The following TPH2 variants were observed in gnomAD, a reference collection of about 807,000 sequenced individuals.
TPH2 encodes tryptophan 5-hydroxylase 2.
A neutral mutation model predicts 59.1 loss-of-function variants in TPH2; 27 were observed. The ratio of observed to expected loss-of-function variants is 0.46; its 90% CI spans 0.34 to 0.63. The LOEUF is 0.63. TPH2 is among the 30% of genes least tolerant of loss of function. The pLI is 0.01. For missense variants in TPH2, 523 were observed against 588.3 expected, an observed-to-expected ratio of 0.89 and a Z score of 1.15; for synonymous variants, 220 against 210.5, an observed-to-expected ratio of 1.05 and a Z score of -0.39.
At chr12:71,973,884 TAC>T (rs1872043841) in intron 6 of TPH2, among the ~76,000 whole-genome samples, 1 of 152,088 alleles carries the variant, frequency 6.6e-6, no homozygotes, top group African/African-American at 2.4e-5. Context: ...CAATGAATCA[TAC>T]AGTGACATCA....
chr12:71,999,738 A>T (rs1056410224), intron 8 of TPH2, among the ~76,000 whole-genome samples: 1 of 152,238 alleles, frequency 6.6e-6, no homozygotes, highest in African/African-American at 2.4e-5. Flanking sequence ...TCCAAAACTA[A>T]AAGAAAACAA....
chr12:72,028,919 T>C (rs896368190), intron 9 of TPH2, among the ~76,000 whole-genome samples: 1 of 152,362 alleles, frequency 6.6e-6, no homozygotes, highest in East Asian at 1.9e-4. Flanking sequence ...CTGGTTTTTC[T>C]TGAAGTCTGG....
intron 7 of TPH2, among the ~76,000 whole-genome samples, chr12:71,983,807 G>A (rs1473150863): frequency 6.6e-5 from 9 of 136,786 alleles, no homozygotes; most frequent in Non-Finnish European, 1.1e-4. Context: ...GAGAGAGAAA[G>A]AGAGAGATAG....
At chr12:71,950,782 T>C (rs1871324105) in intron 5 of TPH2, among the ~76,000 whole-genome samples, 1 of 152,126 alleles carries the variant, frequency 6.6e-6, no homozygotes, top group African/African-American at 2.4e-5. Context: ...GTTTAGAACA[T>C]TACGTGTGTT....
At chr12:71,949,795 G>A (rs1311975718) in intron 5 of TPH2, 140 bp downstream of exon 5, 4 of 695,026 alleles carry the variant, frequency 5.8e-6, no homozygotes, top group South Asian at 3.1e-5. Context: ...AACTCTGTAG[G>A]CTTTAAATGC....
chr12:72,011,603 T>A lies in TPH2; in HGVS notation c.1069-10796T>A, dbSNP rs190773386. On this transcript the variant is annotated intron_variant, in intron 8 of 10. Coordinates refer to ENST00000333850, the MANE Select transcript of TPH2 (RefSeq NM_173353.4). ...TCTCTAGCATTTTCCCTGGCAAGTC[T>A]CCAGTTGGCTACAACCTTCAAAAGC... is the stretch of plus-strand genomic sequence containing the variant. Among the ~76,000 whole-genome samples, 294 of 152,320 alleles carry A rather than the reference T, an allele frequency of 1.9e-3. 2 individuals are homozygous for A. The highest frequency in any genetic ancestry group is 6.8e-3 in the African/African-American group (282 of 41,570).
At chr12:71,993,074 A>G (rs993540116) in intron 7 of TPH2, among the ~76,000 whole-genome samples, 4 of 152,258 alleles carry the variant, frequency 2.6e-5, no homozygotes, top group African/African-American at 9.6e-5. Context: ...CCTGTCCACT[A>G]TTCTCAAGTG....
At chr12:71,940,664 T>C (rs566138264) in intron 1 of TPH2, among the ~76,000 whole-genome samples, 1 of 152,342 alleles carries the variant, frequency 6.6e-6, no homozygotes, top group South Asian at 2.1e-4. Context: ...GTTGTTTTTG[T>C]TTTGTTTCCT....
At chr12:71,999,992 T>C (rs909931154) in intron 8 of TPH2, among the ~76,000 whole-genome samples, 1 of 152,248 alleles carries the variant, frequency 6.6e-6, no homozygotes, top group Admixed American at 6.5e-5. Flanking sequence ...AAGTATCTTA[T>C]TGTGGTTGAG....
At chr12:71,949,354 G>A (rs181993429) in intron 4 of TPH2, among the ~76,000 whole-genome samples, 20 of 152,248 alleles carry the variant, frequency 1.3e-4, no homozygotes, top group Non-Finnish European at 2.8e-4. Flanking sequence ...TGCTTACTTA[G>A]TGGAAAGGTA....
intron 4 of TPH2, 27 bp from the exon 5 acceptor site, chr12:71,949,561 A>T: frequency 1.2e-6 from 2 of 1,601,588 alleles, no homozygotes; most frequent in Non-Finnish European, 1.7e-6. Context: ...CACTTTGTTA[A>T]ATAACTTAAT....
At chr12:71,968,142 T>C (rs1871868965) in intron 5 of TPH2, among the ~76,000 whole-genome samples, 2 of 152,212 alleles carry the variant, frequency 1.3e-5, no homozygotes. Context: ...GACAAATCCC[T>C]TTCGATAGAG....
At chr12:71,941,100 A>G (rs1871049343) in intron 1 of TPH2, among the ~76,000 whole-genome samples, 1 of 152,216 alleles carries the variant, frequency 6.6e-6, no homozygotes, top group Non-Finnish European at 1.5e-5. Flanking sequence ...GTGCTGACAT[A>G]TTTTGGAATG....
intron 6 of TPH2, among the ~76,000 whole-genome samples, chr12:71,973,779 C>A (rs1872040199): frequency 1.3e-5 from 2 of 152,324 alleles, no homozygotes; most frequent in Non-Finnish European, 2.9e-5. Flanking sequence ...GGTCACACAA[C>A]TAGTCAATAA....
chr12:71,975,687 A>G (rs1252903006), intron 6 of TPH2, among the ~76,000 whole-genome samples: 2 of 152,230 alleles, frequency 1.3e-5, no homozygotes, highest in Non-Finnish European at 2.9e-5. Context: ...AATCTTGATT[A>G]TAGAAGCCAC....
At chr12:72,021,310 C>T (rs4573729) in intron 8 of TPH2, among the ~76,000 whole-genome samples, 79,431 of 150,388 alleles carry the variant, frequency 0.53, 22,230 homozygotes, top group Non-Finnish European at 0.64. Flanking sequence ...TATTAATGTC[C>T]TGGGGAAGTT....
chr12:71,976,799 T>G (rs1252205234), intron 6 of TPH2, among the ~76,000 whole-genome samples: 1 of 152,210 alleles, frequency 6.6e-6, no homozygotes, highest in East Asian at 1.9e-4. Flanking sequence ...AAGATCATTT[T>G]CAACCATTGT....
chr12:72,011,441 C>T (rs1010312976), intron 8 of TPH2, among the ~76,000 whole-genome samples: 3 of 152,158 alleles, frequency 2.0e-5, no homozygotes, highest in African/African-American at 7.2e-5. Flanking sequence ...AATAGCATCT[C>T]TCTGATCTTG....
rs2139203613 is a variant in TPH2, at chr12:71,972,578, T to C, written c.668T>C (p.Val223Ala). Residue 223 changes from valine (V) to alanine (A), a missense_variant, in exon 6 of 11, where the codon GTA becomes GCA. By Grantham distance (64) the Val-to-Ala change is moderately conservative. Coordinates refer to ENST00000333850, the MANE Select transcript of TPH2 (RefSeq NM_173353.4). ...GAAGAAACTAAAACTTGGGGTGTTGTATTCCGGGAGCTCTCCAAACTCTAT... is the reference window on the plus strand; with the variant it reads ...GAAGAAACTAAAACTTGGGGTGTTGCATTCCGGGAGCTCTCCAAACTCTAT... ...TEEETKTWGVVFRELSKLYPT... is the reference protein window; with the variant it reads ...TEEETKTWGVAFRELSKLYPT... The C allele has an allele frequency of 6.2e-7, 1 of 1,614,180 alleles. No individual in the cohort carries two copies. The highest frequency in any genetic ancestry group is 8.5e-7 in the Non-Finnish European group (1 of 1,180,032).
Sources: allele counts gnomAD v4.1 joint callset (sites outside exome capture counted in the v4.1 genomes callset), GRCh38; gene constraint gnomAD v4.1.1; transcripts MANE v1.5; gene names NCBI Gene and HGNC (gene_info 2026-07-23, HGNC 2026-07-21).